RAB38: variants seen among roughly 807,000 people sequenced by gnomAD.
RAB38 encodes the protein RAB38, member RAS oncogene family.
Under a neutral mutation model 18.4 loss-of-function variants are expected in RAB38, and 15 were observed. The observed-to-expected ratio is 0.82, with a 90% confidence interval of 0.55 to 1.26. The LOEUF is 1.26. Among genes scored for constraint, RAB38 ranks in the 50% most tolerant of loss-of-function variants. RAB38 has a pLI of 0.00. For synonymous variants in RAB38, 101 were observed against 104.4 expected (o/e 0.97, Z 0.20); for missense variants, 294 against 267.4 (o/e 1.10, Z -0.69).
intron 1 of RAB38, among the ~76,000 whole-genome samples, chr11:88,156,649 C>T (rs1943129730): frequency 6.6e-6 from 1 of 152,152 alleles, no homozygotes; most frequent in Non-Finnish European, 1.5e-5. Context: ...TTGCAGTGAG[C>T]CAAGATCATG....
the RAB38 span, among the ~76,000 whole-genome samples, chr11:87,948,231 T>A: frequency 2.0e-5 from 3 of 152,224 alleles, no homozygotes; most frequent in Non-Finnish European, 4.4e-5. Context: ...CTTGTGATTT[T>A]TGCACATTGA....
the RAB38 span, among the ~76,000 whole-genome samples, chr11:87,878,251 C>CATCT: frequency 0.15 from 15,251 of 103,244 alleles, 1,418 homozygotes; most frequent in Middle Eastern, 0.21. Flanking sequence ...ACACACCTAT[C>CATCT]ATCTATCTAT....
the RAB38 span, among the ~76,000 whole-genome samples, chr11:87,852,947 A>G: frequency 2.9e-4 from 41 of 141,310 alleles, no homozygotes; most frequent in African/African-American, 1.1e-3. Context: ...CTTAACATCT[A>G]TCTTGCATAT....
chr11:87,975,254 G>A, the RAB38 span, among the ~76,000 whole-genome samples: 5 of 151,798 alleles, frequency 3.3e-5, no homozygotes, highest in Non-Finnish European at 5.9e-5. Flanking sequence ...AACTACTCCC[G>A]AAGAAAGTCA....
At chr11:88,132,491 C>T (rs1480747286) in intron 2 of RAB38, among the ~76,000 whole-genome samples, 1 of 152,174 alleles carries the variant, frequency 6.6e-6, no homozygotes, top group African/African-American at 2.4e-5. Flanking sequence ...GTGTTTCACT[C>T]TTGTTGGCCA....
chr11:88,007,714 C>T, the RAB38 span, among the ~76,000 whole-genome samples: 1 of 151,972 alleles, frequency 6.6e-6, no homozygotes, highest in Non-Finnish European at 1.5e-5. Flanking sequence ...ATACTCCTAA[C>T]CCAACAAGCC....
At chr11:87,807,867 G>A in the RAB38 span, among the ~76,000 whole-genome samples, 2 of 152,156 alleles carry the variant, frequency 1.3e-5, no homozygotes, top group Non-Finnish European at 2.9e-5. Flanking sequence ...CTAGGGTCAA[G>A]AACAAAGTCA....
At chr11:87,813,076 A>T in the RAB38 span, among the ~76,000 whole-genome samples, 3 of 152,218 alleles carry the variant, frequency 2.0e-5, no homozygotes, top group Non-Finnish European at 4.4e-5. Context: ...TCACATTAGT[A>T]GTATATAGCA....
At chr11:87,884,680 C>G in the RAB38 span, among the ~76,000 whole-genome samples, 2 of 151,932 alleles carry the variant, frequency 1.3e-5, no homozygotes, top group Non-Finnish European at 2.9e-5. Flanking sequence ...GTCCCTGATA[C>G]TCCTACTTTA....
At chr11:88,019,837 T>C in the RAB38 span, among the ~76,000 whole-genome samples, 1 of 152,178 alleles carries the variant, frequency 6.6e-6, no homozygotes, top group Non-Finnish European at 1.5e-5. Flanking sequence ...ATCTAAAATA[T>C]CACCTCAATT....
intron 2 of RAB38, among the ~76,000 whole-genome samples, chr11:88,147,470 A>C (rs1943003424): frequency 6.6e-6 from 1 of 152,026 alleles, no homozygotes; most frequent in Non-Finnish European, 1.5e-5. Context: ...ACATTTTTTG[A>C]AAGAAAGCAA....
At chr11:88,009,723 A>G in the RAB38 span, among the ~76,000 whole-genome samples, 2 of 152,200 alleles carry the variant, frequency 1.3e-5, no homozygotes, top group African/African-American at 4.8e-5. Flanking sequence ...CAAAATTTAT[A>G]GCTTTGTGGG....
the RAB38 span, among the ~76,000 whole-genome samples, chr11:88,078,479 A>G: frequency 3.0e-5 from 4 of 131,202 alleles, no homozygotes; most frequent in East Asian, 6.5e-4. Flanking sequence ...AATATCATGT[A>G]TATGTATATA....
the RAB38 span, among the ~76,000 whole-genome samples, chr11:87,806,401 G>A: frequency 5.3e-4 from 81 of 152,148 alleles, 2 homozygotes; most frequent in East Asian, 0.013. Flanking sequence ...AGAGCTCCCT[G>A]AGGTCTCTTT....
At chr11:88,086,131 A>G in the RAB38 span, among the ~76,000 whole-genome samples, 1 of 151,930 alleles carries the variant, frequency 6.6e-6, no homozygotes, top group East Asian at 1.9e-4. Flanking sequence ...TTAAGTGACA[A>G]TGTAGGCATT....
the RAB38 span, among the ~76,000 whole-genome samples, chr11:88,088,551 A>G: frequency 6.6e-6 from 1 of 151,922 alleles, no homozygotes; most frequent in African/African-American, 2.4e-5. Context: ...ATTTGTGGGT[A>G]AGGGCAATAC....
chr11:87,928,085 A>G, the RAB38 span, among the ~76,000 whole-genome samples: 1 of 151,428 alleles, frequency 6.6e-6, no homozygotes, highest in Non-Finnish European at 1.5e-5. Context: ...AAAAAATAAG[A>G]AAACAGAAAA....
chr11:87,849,502 C>A, the RAB38 span, among the ~76,000 whole-genome samples: 1 of 152,084 alleles, frequency 6.6e-6, no homozygotes, highest in Non-Finnish European at 1.5e-5. Flanking sequence ...TCCCTCAGGT[C>A]ATGCCAATAG....
downstream of RAB38, among the ~76,000 whole-genome samples, chr11:88,109,743 T>G (rs528163036): frequency 6.6e-6 from 1 of 152,332 alleles, no homozygotes; most frequent in African/African-American, 2.4e-5. Context: ...AAGACATTTA[T>G]GAGACCAACA....
Sources: allele counts gnomAD v4.1 joint callset (sites outside exome capture counted in the v4.1 genomes callset), GRCh38; gene constraint gnomAD v4.1.1; transcripts MANE v1.5; gene names NCBI Gene and HGNC (gene_info 2026-07-23, HGNC 2026-07-21).